The following IFT172 variants were observed in gnomAD, a reference collection of about 807,000 sequenced individuals.
IFT172 encodes the protein intraflagellar transport protein 172 homolog.
Under a neutral mutation model 248.9 loss-of-function variants are expected in IFT172, and 164 were observed. The observed-to-expected ratio is 0.66, with a 90% CI of 0.58 to 0.75. IFT172 has a LOEUF of 0.75. Among genes scored for constraint, IFT172 ranks in the 30% least tolerant of loss-of-function variants. IFT172 has a pLI of 0.00. For synonymous variants in IFT172, 729 were observed against 791.6 expected (o/e 0.92, Z 1.33); for missense variants, 1,950 against 2,192.4 (o/e 0.89, Z 2.21).
chr2:27,483,357 G>T lies in IFT172; in HGVS notation c.502C>A (p.Leu168Ile), dbSNP rs778601747. ...LTTNCSGKGI[L>I]SGHADGTIVR... ...ATGGTACCATCTGCATGACCAGAGA[G>T]AATTCCTTTCCCAGAGCAACTAAAA... Residue 168 changes from leucine (L) to isoleucine (I), a missense_variant, in exon 7 of 48, where the codon CTC becomes ATC. By Grantham distance (5) the Leu-to-Ile change is conservative (BLOSUM62 2). Coordinates refer to ENST00000260570, the MANE Select transcript of IFT172 (RefSeq NM_015662.3). 17 of 1,606,084 alleles carry T rather than the reference G, an allele frequency of 1.1e-5. No individual in the cohort carries two copies. Among genetic ancestry groups the T allele is most frequent in the Admixed American group, 1.7e-5 (1 of 59,970 alleles).
chr2:27,454,253 C>T lies in IFT172; in HGVS notation c.3531-91G>A. ...ACAGCCATGTCACTGAGGGGTGTAA[C>T]ACTGATTTGTTCTAGGTTTGAATGA... On this transcript the variant is annotated intron_variant, in intron 32 of 47. Coordinates refer to ENST00000260570, the MANE Select transcript of IFT172 (RefSeq NM_015662.3). The surrounding 1 kb of genome is among the most constrained non-coding windows in gnomAD (Gnocchi z 4.2). 2.5e-6 allele frequency: 4 copies of T among 1,601,408 alleles called. No homozygotes were observed. Among genetic ancestry groups the T allele is most frequent in the South Asian group, 1.1e-5 (1 of 90,766 alleles).
intron 19 of IFT172, 98 bp downstream of exon 19, chr2:27,462,999 A>C (rs550612592): frequency 4.9e-5 from 70 of 1,425,046 alleles, no homozygotes; most frequent in Non-Finnish European, 6.6e-5. Flanking sequence ...AGGGTAAAGG[A>C]AACTGGGGAT....
chr2:27,459,403 T>A lies in IFT172; in HGVS notation c.2762A>T (p.His921Leu). 6.2e-7 allele frequency: 1 copy of A among 1,614,172 alleles called. No homozygotes were observed. Among genetic ancestry groups the A allele is most frequent in the South Asian group, 1.1e-5 (1 of 91,078 alleles). The change falls in exon 25 of 48, where the codon CAC becomes CTC. Residue 921 changes from histidine to leucine, a missense_variant. Around this residue, in one of 3 missense-constraint regions of IFT172, gnomAD observed 1,166 missense variants for 1,254.1 expected, o/e 0.93. Coordinates refer to ENST00000260570, the MANE Select transcript of IFT172 (RefSeq NM_015662.3). ...ASKYYPLVAQ[H>L]YASLQEYEIA... ...CTCATACTCCTGCAGGGATGCATAGTGTTGGGCCACGAGAGGATAGTATTT... is the reference window on the plus strand; with the variant it reads ...CTCATACTCCTGCAGGGATGCATAGAGTTGGGCCACGAGAGGATAGTATTT...
chr2:27,448,458 T>C (rs1251547363), intron 40 of IFT172, among the ~76,000 whole-genome samples: 3 of 152,254 alleles, frequency 2.0e-5, no homozygotes, highest in African/African-American at 7.2e-5. Flanking sequence ...TTTTAAGTGC[T>C]GATTATTTTT....
At position 27,461,284 on chromosome 2, in the gene IFT172, C is replaced by T. The variant is rs760908963; in HGVS notation, c.2427G>A (p.Gly809=). 3.7e-6 allele frequency: 6 copies of T among 1,613,936 alleles called. No individual in the cohort carries two copies. The South Asian group carries it at 4.4e-5, about 12-fold the overall frequency. Residue 809 remains glycine (G), a synonymous_variant, in exon 22 of 48, where the codon GGG becomes GGA. Transcript: ENST00000260570. ...VEHITAALIK[G]ELYERAGDLF... ...GCCAGCATACCCTTTCGTAGAGTTC[C>T]CCCTTGATAAGGGCTGCAGTGATGT...
chr2:27,458,211 A>G lies in IFT172; in HGVS notation c.2890T>C (p.Cys964Arg), dbSNP rs1164843618. ...ACTGACACATCTTCTGGTCTCATGC[A>G]TTTCATCGCCAGCTGTGGAGGCACA... ...WEQAHKLAMK[C>R]MRPEDVSVLY... The change falls in exon 27 of 48, where the codon TGC becomes CGC. Residue 964 changes from cysteine to arginine, a missense_variant. Physicochemically the swap from Cys to Arg is radical, Grantham distance 180. Coordinates refer to ENST00000260570, the MANE Select transcript of IFT172 (RefSeq NM_015662.3). 6 of 1,614,014 alleles carry G rather than the reference A, an allele frequency of 3.7e-6. No homozygotes were observed. Among genetic ancestry groups the G allele is most frequent in the Admixed American group, 3.3e-5 (2 of 60,002 alleles).
intron 30 of IFT172, chr2:27,455,932 G>A (rs1431346965): frequency 1.1e-5 from 3 of 270,608 alleles, no homozygotes; most frequent in Non-Finnish European, 2.1e-5. Context: ...AGAAAAGTTC[G>A]GCCAGGCGCA....
intron 35 of IFT172, 70 bp downstream of exon 35, chr2:27,453,314 T>G: frequency 1.3e-5 from 21 of 1,575,088 alleles, no homozygotes; most frequent in Non-Finnish European, 1.7e-5. Flanking sequence ...GCTGAAGATG[T>G]GAGAAGCAGA....
In IFT172 at chr2:27,460,828, TC is replaced by T. The variant is rs1284880511; in HGVS notation, c.2521+186del. 2.1e-5 allele frequency among the ~76,000 whole-genome samples: 3 copies of T among 140,228 alleles called. No individual in the cohort carries two copies. In the Admixed American group the frequency reaches 2.2e-4, roughly 10 times the overall value. The allele number at this position is 140,228 out of a possible 152,430, so 92.0% of individuals were successfully genotyped here. ...GATCCTCCATATGCTGAACGCTGGT[TC>T]CCCGGGTCCCCTTATTTCTTTCTCT... On this transcript the variant is annotated intron_variant, in intron 23 of 47. Coordinates refer to ENST00000260570, the MANE Select transcript of IFT172 (RefSeq NM_015662.3).
intron 18 of IFT172, among the ~76,000 whole-genome samples, chr2:27,464,421 A>G (rs1666921582): frequency 6.6e-6 from 1 of 152,202 alleles, no homozygotes; most frequent in African/African-American, 2.4e-5. Flanking sequence ...CTCTATGGTT[A>G]TATAAGTTGG....
chr2:27,487,804 C>T (rs1278907237), intron 1 of IFT172, among the ~76,000 whole-genome samples: 1 of 151,952 alleles, frequency 6.6e-6, no homozygotes, highest in African/African-American at 2.4e-5. Flanking sequence ...AGGATGGTGT[C>T]GAACCCCTGA....
Position 27,454,490 on chromosome 2 carries a change from G to A in IFT172, c.3466-72C>T, listed in dbSNP as rs1336985634. The A allele has an allele frequency of 1.9e-6, 3 of 1,610,278 alleles. No individual in the cohort carries two copies. Among genetic ancestry groups the A allele is most frequent in the African/African-American group, 1.3e-5 (1 of 74,812 alleles). ...ATCACAGGCAGGCATGAGACTGGGG[G>A]TCTGCACACCCAGCAGCAGTGCACT... On this transcript the variant is annotated intron_variant, in intron 31 of 47. Coordinates refer to ENST00000260570, the MANE Select transcript of IFT172 (RefSeq NM_015662.3). This position sits in a 1 kb window ranked among gnomAD's most constrained non-coding sequence, Gnocchi z 4.2.
intron 8 of IFT172, 147 bp from the exon 9 acceptor site, chr2:27,480,296 G>T: frequency 1.6e-6 from 2 of 1,225,950 alleles, no homozygotes; most frequent in Non-Finnish European, 1.1e-6. Flanking sequence ...AGCAGAAGAG[G>T]ATATAAAGGT....
chr2:27,445,252 CT>C lies in IFT172; in HGVS notation c.5068+43del. On this transcript the variant is annotated intron_variant, in intron 46 of 47. Coordinates refer to ENST00000260570, the MANE Select transcript of IFT172 (RefSeq NM_015662.3). The surrounding 1 kb of genome is among the most constrained non-coding windows in gnomAD (Gnocchi z 4.4). ...AAAATTAAGTTTATTGATCCTGCTG[CT>C]TTCTACCCACCACAGGATCTGGGGT... 1 of 1,592,880 alleles carries C rather than the reference CT, an allele frequency of 6.3e-7. No homozygotes were observed. Among genetic ancestry groups the C allele is most frequent in the South Asian group, 1.1e-5 (1 of 88,842 alleles).
At chr2:27,459,013 G>C in intron 25 of IFT172, 145 bp from the exon 26 acceptor site, 8 of 778,112 alleles carry the variant, frequency 1.0e-5, no homozygotes, top group African/African-American at 1.7e-5. Context: ...GAGTATGGGT[G>C]TCTCATACAT....
intron 20 of IFT172, 77 bp downstream of exon 20, chr2:27,462,624 T>A: frequency 7.7e-7 from 1 of 1,299,876 alleles, no homozygotes; most frequent in Non-Finnish European, 1.1e-6. Context: ...CACGCTTTCC[T>A]CCCTTGAGTT....
intron 7 of IFT172, among the ~76,000 whole-genome samples, chr2:27,481,758 C>G (rs1668391256): frequency 6.6e-6 from 1 of 151,798 alleles, no homozygotes; most frequent in Admixed American, 6.6e-5. Flanking sequence ...TCAGGCTGGT[C>G]TCGAACTCCT....
At chr2:27,451,714 C>T (rs1295603290) in intron 35 of IFT172, among the ~76,000 whole-genome samples, 5 of 152,038 alleles carry the variant, frequency 3.3e-5, no homozygotes, top group African/African-American at 9.7e-5. Context: ...TGCAGTGAGC[C>T]GAGATTGCAC....
chr2:27,453,237 A>G (rs776095097), intron 35 of IFT172, 147 bp downstream of exon 35: 3 of 1,080,418 alleles, frequency 2.8e-6, no homozygotes, highest in South Asian at 1.3e-5. Flanking sequence ...TTCTGGCTCT[A>G]TCATCCAGCA....
Sources: gnomAD v4.1 joint callset for allele counts (sites outside exome capture counted in the v4.1 genomes callset) on GRCh38, gnomAD v4.1.1 for gene constraint, gnomAD v4.1.1 regional missense constraint, Gnocchi (gnomAD v3.1) non-coding constraint, MANE v1.5 for transcripts, NCBI Gene and HGNC (gene_info 2026-07-23, HGNC 2026-07-21) for gene names.